The following LRRC69 variants were observed in gnomAD, a reference collection of about 807,000 sequenced individuals.
LRRC69 encodes the protein leucine-rich repeat-containing protein 69.
In LRRC69, 42 loss-of-function variants were observed where a neutral mutation model predicts 37.8. The observed-to-expected ratio is 1.11, with a 90% CI of 0.87 to 1.44. The LOEUF (loss-of-function observed/expected upper bound fraction) is 1.44, where lower values mean the gene tolerates loss of function less well. Ranked by LOEUF, LRRC69 falls within the 40% of genes most tolerant of loss-of-function variation. The pLI is 0.00. For missense variants in LRRC69, 357 were observed against 401.9 expected (o/e 0.89, Z 0.96); for synonymous variants, 141 against 143.1 (o/e 0.99, Z 0.11).
At chr8:91,132,813 G>GAA (rs1813830438) in intron 3 of LRRC69, among the ~76,000 whole-genome samples, 1 of 151,792 alleles carries the variant, frequency 6.6e-6, no homozygotes, top group Non-Finnish European at 1.5e-5. Context: ...TCTTGGGTAT[G>GAA]GCCAATGTAT....
In LRRC69 at chr8:91,149,792, G is replaced by A. The variant is rs551645522; in HGVS notation, c.651+14053G>A. Among the ~76,000 whole-genome samples the A allele has an allele frequency of 6.6e-4, 100 of 151,982 alleles. 1 individual carries two copies. Among genetic ancestry groups the A allele is most frequent in the African/African-American group, 2.4e-3 (98 of 41,524 alleles). On this transcript the variant is annotated intron_variant, in intron 5 of 7. Coordinates refer to ENST00000448384, the Ensembl canonical transcript of LRRC69. Reference sequence around the variant, plus strand: ...GTGGTTTGTAGTTCTCCTTGAAGAGGTCCTTCACGTCCCTTGTAAGTTGGA... The same window carrying A: ...GTGGTTTGTAGTTCTCCTTGAAGAGATCCTTCACGTCCCTTGTAAGTTGGA...
chr8:91,155,241 T>A (rs544213418), intron 5 of LRRC69, among the ~76,000 whole-genome samples: 1 of 150,258 alleles, frequency 6.7e-6, no homozygotes, highest in Admixed American at 6.6e-5. Flanking sequence ...TTAAAAAAAA[T>A]TATTGTGTGC....
At chr8:91,132,453 T>G (rs1563598965) in intron 3 of LRRC69, among the ~76,000 whole-genome samples, 3 of 152,054 alleles carry the variant, frequency 2.0e-5, no homozygotes, top group Non-Finnish European at 4.4e-5. Flanking sequence ...TGCCCTATTT[T>G]ATAAGTTCTT....
intron 1 of LRRC69, among the ~76,000 whole-genome samples, chr8:91,120,087 A>T (rs77544677): frequency 0.1 from 15,610 of 151,946 alleles, 1,160 homozygotes; most frequent in Admixed American, 0.2. Context: ...TCATAGCAAA[A>T]GTTCTTACAA....
intron 5 of LRRC69, chr8:91,157,573 A>G: frequency 6.5e-7 from 1 of 1,536,658 alleles, no homozygotes; most frequent in Non-Finnish European, 9.0e-7. Flanking sequence ...AGATAATATC[A>G]GAATGTTTAC....
chr8:91,168,729 G>A (rs1809073260), intron 5 of LRRC69, among the ~76,000 whole-genome samples: 1 of 82,346 alleles, frequency 1.2e-5, no homozygotes, highest in Non-Finnish European at 2.7e-5. Context: ...GTTTTTTTGT[G>A]TTTTGTGTTT....
chr8:91,137,326 C>CT (rs1478585683), intron 5 of LRRC69, among the ~76,000 whole-genome samples: 1 of 151,944 alleles, frequency 6.6e-6, no homozygotes, highest in African/African-American at 2.4e-5. Context: ...TCTGGTGCCA[C>CT]GTTTTCTACG....
intron 1 of LRRC69, among the ~76,000 whole-genome samples, chr8:91,105,011 T>G (rs1813284600): frequency 6.6e-6 from 1 of 152,062 alleles, no homozygotes. Context: ...GTAACCTACG[T>G]GTTGACTTCT....
At chr8:91,185,822 G>A (rs557722875) in intron 5 of LRRC69, among the ~76,000 whole-genome samples, 12 of 151,728 alleles carry the variant, frequency 7.9e-5, no homozygotes, top group African/African-American at 2.4e-4. Flanking sequence ...AAAGAGTAAC[G>A]CTATGAATTT....
At chr8:91,210,718 A>G (rs1809897865) in intron 7 of LRRC69, among the ~76,000 whole-genome samples, 1 of 152,168 alleles carries the variant, frequency 6.6e-6, no homozygotes, top group African/African-American at 2.4e-5. Context: ...TGAATTAAAT[A>G]TGTCAGGGCA....
At chr8:91,131,628 C>A (rs916212353) in intron 3 of LRRC69, among the ~76,000 whole-genome samples, 1 of 151,786 alleles carries the variant, frequency 6.6e-6, no homozygotes, top group African/African-American at 2.4e-5. Flanking sequence ...TTATACATTA[C>A]TATAAATGGA....
At chr8:91,198,917 C>G (rs1488339167) in intron 6 of LRRC69, among the ~76,000 whole-genome samples, 3 of 151,848 alleles carry the variant, frequency 2.0e-5, no homozygotes, top group Non-Finnish European at 4.4e-5. Context: ...GCTATCCTTC[C>G]AAAATAACAC....
At chr8:91,213,993 G>A (rs886435564) in intron 7 of LRRC69, among the ~76,000 whole-genome samples, 3 of 151,956 alleles carry the variant, frequency 2.0e-5, no homozygotes, top group African/African-American at 4.8e-5. Context: ...CTGAACATGT[G>A]GGGGAAAACC....
intron 5 of LRRC69, among the ~76,000 whole-genome samples, chr8:91,145,536 A>G (rs1808605864): frequency 6.6e-6 from 1 of 151,914 alleles, no homozygotes; most frequent in African/African-American, 2.4e-5. Context: ...TGATTTTAAA[A>G]TAGTATAATT....
chr8:91,197,768 G>A (rs953303742), intron 6 of LRRC69, among the ~76,000 whole-genome samples: 14 of 151,834 alleles, frequency 9.2e-5, no homozygotes, highest in South Asian at 8.4e-4. Context: ...AGATGAACCC[G>A]GTACCTCAGA....
chr8:91,161,274 T>G (rs1321703361), intron 5 of LRRC69, among the ~76,000 whole-genome samples: 2 of 151,364 alleles, frequency 1.3e-5, no homozygotes, highest in African/African-American at 4.8e-5. Context: ...TGTTGTGTCC[T>G]TTTGTGGTTT....
chr8:91,159,355 C>T (rs1808894009), intron 5 of LRRC69, among the ~76,000 whole-genome samples: 1 of 151,156 alleles, frequency 6.6e-6, no homozygotes. Flanking sequence ...TAAACATTGC[C>T]ATTAGAAGAA....
chr8:91,195,973 C>G lies in LRRC69; in HGVS notation c.754-4640C>G, dbSNP rs1310783057. On this transcript the variant is annotated intron_variant, in intron 6 of 7. Coordinates refer to ENST00000448384, the Ensembl canonical transcript of LRRC69. ...TTTACATTTTGGCATGATTTTGCAG[C>G]GGCTGGTACCAGTTGTTCCTTTCCA... is the stretch of plus-strand genomic sequence containing the variant. Among the ~76,000 whole-genome samples, 7 of 152,266 alleles carry G rather than the reference C, an allele frequency of 4.6e-5. No homozygotes were observed. In the East Asian group the frequency reaches 1.3e-3, roughly 29 times the overall value.
chr8:91,157,359 A>G, intron 5 of LRRC69: 2 of 1,608,576 alleles, frequency 1.2e-6, no homozygotes, highest in Non-Finnish European at 1.7e-6. Flanking sequence ...AAGAAGTAGG[A>G]CCCACTAATG....
Sources: gnomAD v4.1 joint callset for allele counts (sites outside exome capture counted in the v4.1 genomes callset) on GRCh38, gnomAD v4.1.1 for gene constraint, MANE v1.5 for transcripts, NCBI Gene and HGNC (gene_info 2026-07-23, HGNC 2026-07-21) for gene names.